The following CSMD1 variants were observed in gnomAD, a reference collection of about 807,000 sequenced individuals.
The protein encoded by CSMD1 is CUB and Sushi multiple domains 1, also known as CUB and sushi domain-containing protein 1.
In CSMD1, 213 loss-of-function variants were observed where a neutral mutation model predicts 417.5. That is an observed-to-expected ratio of 0.51 (90% CI 0.46 to 0.57). The LOEUF (loss-of-function observed/expected upper bound fraction) is 0.57, where lower values mean the gene tolerates loss of function less well. CSMD1 is among the 20% of genes least tolerant of loss of function. CSMD1 has a pLI of 0.00. For missense variants in CSMD1, 6,923 were observed against 4,529.7 expected, an observed-to-expected ratio of 1.53 and a Z score of -15.17; for synonymous variants, 2,862 against 1,736.8, an observed-to-expected ratio of 1.65 and a Z score of -16.11.
intron 30 of CSMD1, among the ~76,000 whole-genome samples, chr8:3,210,409 T>C (rs576830510): frequency 5.3e-5 from 2 of 37,606 alleles, no homozygotes; most frequent in Non-Finnish European, 1.1e-4. Flanking sequence ...AATTTGGTTT[T>C]ATATATATGA....
At chr8:4,476,667 T>C (rs903383731) in intron 2 of CSMD1, among the ~76,000 whole-genome samples, 1 of 152,224 alleles carries the variant, frequency 6.6e-6, no homozygotes, top group Non-Finnish European at 1.5e-5. Context: ...CCCAAGGCTG[T>C]GGACTCCCAG....
At chr8:3,183,412 T>C (rs113954536) in intron 36 of CSMD1, among the ~76,000 whole-genome samples, 8 of 139,528 alleles carry the variant, frequency 5.7e-5, no homozygotes, top group African/African-American at 5.4e-5. Context: ...CTAATCTATC[T>C]ATCCCTGAAA....
At position 3,930,438 on chromosome 8, in the gene CSMD1, C is replaced by G. The variant is rs140648333; in HGVS notation, c.818+67465G>C. 1.3e-3 allele frequency among the ~76,000 whole-genome samples: 191 copies of G among 150,774 alleles called. 9 individuals are homozygous for G. The highest frequency in any genetic ancestry group is 4.4e-3 in the African/African-American group (181 of 40,982). On this transcript the variant is annotated intron_variant, in intron 5 of 69. Transcript: ENST00000635120. ...AGCAAGCATTAGGTCAAAGCCTGTT[C>G]TTCTTCCTTATTTGAAGGTCTTTTT...
At chr8:4,301,039 A>G (rs1797954862) in intron 3 of CSMD1, among the ~76,000 whole-genome samples, 1 of 152,172 alleles carries the variant, frequency 6.6e-6, no homozygotes, top group South Asian at 2.1e-4. Context: ...TTAGGAAACA[A>G]AAAGAAGTCA....
At chr8:3,398,186 C>G (rs1231655823) in intron 16 of CSMD1, among the ~76,000 whole-genome samples, 1 of 152,060 alleles carries the variant, frequency 6.6e-6, no homozygotes, top group Admixed American at 6.5e-5. Flanking sequence ...AAATTTGATA[C>G]GCTGCTGGGA....
At chr8:3,241,652 C>T (rs1022942482) in intron 26 of CSMD1, among the ~76,000 whole-genome samples, 2 of 152,126 alleles carry the variant, frequency 1.3e-5, no homozygotes, top group Non-Finnish European at 2.9e-5. Context: ...CATTCCTTGG[C>T]CTGGTGGCCA....
chr8:4,975,236 G>T (rs533678654), intron 1 of CSMD1, among the ~76,000 whole-genome samples: 1 of 152,206 alleles, frequency 6.6e-6, no homozygotes, highest in African/African-American at 2.4e-5. Context: ...CAGAAAAAAA[G>T]TCTCCAAGGA....
chr8:4,757,959 C>CAAAAAA (rs35869578), intron 1 of CSMD1, among the ~76,000 whole-genome samples: 2 of 72,060 alleles, frequency 2.8e-5, no homozygotes, highest in African/African-American at 5.7e-5. Context: ...GACTTTGTCT[C>CAAAAAA]AAAAAAAAAA....
At chr8:3,168,697 T>C (rs1243367278) in intron 37 of CSMD1, among the ~76,000 whole-genome samples, 1 of 152,006 alleles carries the variant, frequency 6.6e-6, no homozygotes, top group East Asian at 1.9e-4. Context: ...CATAGTACCT[T>C]ATGAAAAGAA....
intron 12 of CSMD1, among the ~76,000 whole-genome samples, chr8:3,459,650 G>T (rs1257482232): frequency 6.6e-6 from 1 of 152,104 alleles, no homozygotes; most frequent in Non-Finnish European, 1.5e-5. Flanking sequence ...CGGTCCAGGG[G>T]AGGTGGACTC....
chr8:4,039,186 T>A (rs1482346121), intron 3 of CSMD1, among the ~76,000 whole-genome samples: 8 of 152,220 alleles, frequency 5.3e-5, no homozygotes, highest in Admixed American at 5.2e-4. Context: ...TGGATTCATC[T>A]GGAATCTAGG....
At chr8:3,632,146 A>G (rs17396948) in intron 7 of CSMD1, among the ~76,000 whole-genome samples, 1 of 152,196 alleles carries the variant, frequency 6.6e-6, no homozygotes, top group Non-Finnish European at 1.5e-5. Context: ...CCTGCTAGAG[A>G]AAAGGGATTT....
intron 3 of CSMD1, among the ~76,000 whole-genome samples, chr8:4,109,226 C>G (rs181782705): frequency 6.6e-6 from 1 of 152,088 alleles, no homozygotes; most frequent in Non-Finnish European, 1.5e-5. Context: ...GGTATAGACA[C>G]AACCATCCAT....
chr8:4,706,298 T>A (rs908205231), intron 1 of CSMD1, among the ~76,000 whole-genome samples: 24 of 152,068 alleles, frequency 1.6e-4, no homozygotes, highest in Admixed American at 5.2e-4. Flanking sequence ...ACCTTACATG[T>A]ACCCCATGAA....
intron 2 of CSMD1, among the ~76,000 whole-genome samples, chr8:4,423,725 G>A (rs968537211): frequency 7.1e-6 from 1 of 141,750 alleles, no homozygotes; most frequent in Admixed American, 7.4e-5. Context: ...TATGTGGGAA[G>A]GCAAACAAAC....
At chr8:3,919,385 A>C (rs1407840517) in intron 5 of CSMD1, among the ~76,000 whole-genome samples, 1 of 152,002 alleles carries the variant, frequency 6.6e-6, no homozygotes. Context: ...TCATGTGTTG[A>C]AGAGACTCTC....
chr8:3,668,396 A>G (rs939657534), intron 7 of CSMD1, among the ~76,000 whole-genome samples: 3 of 152,110 alleles, frequency 2.0e-5, no homozygotes, highest in African/African-American at 7.2e-5. Context: ...TTAAATATGT[A>G]TTTTTAAGAT....
At chr8:3,296,947 A>G (rs182392943) in intron 25 of CSMD1, among the ~76,000 whole-genome samples, 1 of 152,312 alleles carries the variant, frequency 6.6e-6, no homozygotes, top group African/African-American at 2.4e-5. Context: ...GAGTGGAGAA[A>G]ATAAACATGT....
intron 3 of CSMD1, among the ~76,000 whole-genome samples, chr8:4,201,165 G>A (rs998770535): frequency 2.6e-5 from 4 of 152,148 alleles, no homozygotes; most frequent in Non-Finnish European, 5.9e-5. Context: ...ACTACTGTAA[G>A]GATTAAGTAC....
Sources: allele counts gnomAD v4.1 joint callset (sites outside exome capture counted in the v4.1 genomes callset), GRCh38; gene constraint gnomAD v4.1.1; transcripts MANE v1.5; gene names NCBI Gene and HGNC (gene_info 2026-07-23, HGNC 2026-07-21).